Variants in PTPRT observed in about 807,000 individuals in gnomAD.
PTPRT encodes protein tyrosine phosphatase receptor type T, also known as receptor-type tyrosine-protein phosphatase T.
A neutral mutation model predicts 176.8 loss-of-function variants in PTPRT; 56 were observed. That is an observed-to-expected ratio of 0.32 (90% CI 0.26 to 0.40). PTPRT has a LOEUF of 0.40. Ranked by LOEUF, PTPRT falls within the 10% of genes least tolerant of loss-of-function variation. The pLI, the probability that PTPRT is intolerant of heterozygous loss-of-function variation, is 1.00. For synonymous variants in PTPRT, 783 were observed against 739.0 expected, an observed-to-expected ratio of 1.06 and a Z score of -0.96; for missense variants, 1,540 against 1,908.2, an observed-to-expected ratio of 0.81 and a Z score of 3.60.
At chr20:42,539,033 G>A (rs1417529777) in intron 7 of PTPRT, among the ~76,000 whole-genome samples, 1 of 152,086 alleles carries the variant, frequency 6.6e-6, no homozygotes, top group Non-Finnish European at 1.5e-5. Flanking sequence ...CACTAGCACT[G>A]TTGGACCACC....
chr20:42,477,466 A>G (rs569879561), intron 7 of PTPRT, among the ~76,000 whole-genome samples: 8 of 152,210 alleles, frequency 5.3e-5, no homozygotes, highest in African/African-American at 1.9e-4. Flanking sequence ...AGTGTGATGG[A>G]AGCATTCATG....
chr20:42,948,338 G>A (rs1475439194), intron 1 of PTPRT, among the ~76,000 whole-genome samples: 2 of 152,090 alleles, frequency 1.3e-5, no homozygotes, highest in South Asian at 2.1e-4. Flanking sequence ...AGGAACACCC[G>A]GTTCATCCTC....
intron 7 of PTPRT, among the ~76,000 whole-genome samples, chr20:42,540,670 A>C (rs965203544): frequency 2.0e-5 from 3 of 152,178 alleles, no homozygotes; most frequent in African/African-American, 7.2e-5. Context: ...AGTAATAAAA[A>C]CATAAAAATG....
intron 1 of PTPRT, among the ~76,000 whole-genome samples, chr20:43,146,708 G>A (rs2014181587): frequency 1.3e-5 from 2 of 152,086 alleles, no homozygotes; most frequent in South Asian, 2.1e-4. Context: ...ACTTGCATGG[G>A]CCCCTTTCAA....
intron 7 of PTPRT, among the ~76,000 whole-genome samples, chr20:42,494,818 T>C (rs6124467): frequency 1.1e-4 from 17 of 152,178 alleles, no homozygotes; most frequent in African/African-American, 3.9e-4. Flanking sequence ...GATGGATAGA[T>C]ACGTGAAATA....
chr20:42,802,676 G>A lies in PTPRT; in HGVS notation c.215-11210C>T, dbSNP rs529965866. Among the ~76,000 whole-genome samples, 33 of 152,206 alleles carry A rather than the reference G, an allele frequency of 2.2e-4. No individual in the cohort carries two copies. In the East Asian group the frequency reaches 6.2e-3, roughly 28 times the overall value. ...AAAGCTATTTCCTTTTTTGAAGTAA[G>A]AATGAGGGCAAAGAGAGGCCAGATA... On this transcript the variant is annotated intron_variant, in intron 2 of 30. Transcript: ENST00000373187.
chr20:42,469,164 C>G (rs1355355404), intron 8 of PTPRT, among the ~76,000 whole-genome samples: 1 of 151,910 alleles, frequency 6.6e-6, no homozygotes, highest in African/African-American at 2.4e-5. Flanking sequence ...ATATACCATG[C>G]CACTTAATGT....
At chr20:42,721,504 C>T (rs888487319) in intron 6 of PTPRT, among the ~76,000 whole-genome samples, 12 of 152,168 alleles carry the variant, frequency 7.9e-5, no homozygotes, top group Non-Finnish European at 1.3e-4. Flanking sequence ...GGGGAGGGAG[C>T]AGTCGGGCTG....
chr20:42,904,215 C>G (rs181854486), intron 1 of PTPRT, among the ~76,000 whole-genome samples: 1 of 152,288 alleles, frequency 6.6e-6, no homozygotes, highest in African/African-American at 2.4e-5. Context: ...AGGACCAATG[C>G]AGATGATCCT....
intron 2 of PTPRT, among the ~76,000 whole-genome samples, chr20:42,800,109 A>G (rs925273488): frequency 7.9e-5 from 12 of 152,218 alleles, no homozygotes; most frequent in African/African-American, 2.9e-4. Flanking sequence ...CATTTGTTTA[A>G]TTCTTATATC....
At chr20:43,144,099 C>T (rs7262310) in intron 1 of PTPRT, among the ~76,000 whole-genome samples, 5,068 of 152,262 alleles carry the variant, frequency 0.033, 140 homozygotes, top group South Asian at 0.074. Context: ...CTTCTCAATG[C>T]ACAGATATCC....
intron 13 of PTPRT, among the ~76,000 whole-genome samples, chr20:42,270,089 C>A (rs1461913587): frequency 1.3e-5 from 2 of 152,078 alleles, no homozygotes; most frequent in African/African-American, 4.8e-5. Flanking sequence ...TGGAAAGGCA[C>A]TGGAACATAT....
chr20:42,865,339 G>A (rs142986428), intron 2 of PTPRT, among the ~76,000 whole-genome samples: 79 of 152,314 alleles, frequency 5.2e-4, no homozygotes, highest in African/African-American at 1.8e-3. Context: ...TGAGCACCAT[G>A]CTCTGAACCA....
intron 2 of PTPRT, among the ~76,000 whole-genome samples, chr20:42,869,289 GGAGAGA>G (rs2078803992): frequency 6.6e-6 from 1 of 152,116 alleles, no homozygotes; most frequent in South Asian, 2.1e-4. Context: ...CACAAGCCTG[GGAGAGA>G]GACAGGCACC....
intron 19 of PTPRT, among the ~76,000 whole-genome samples, chr20:42,125,944 TGGAA>T (rs1299569902): frequency 6.9e-6 from 1 of 144,914 alleles, no homozygotes; most frequent in African/African-American, 2.6e-5. Flanking sequence ...CGAGGAGAAA[TGGAA>T]GGAATCAATT....
At chr20:43,019,796 G>A (rs1001772846) in intron 1 of PTPRT, among the ~76,000 whole-genome samples, 17 of 151,826 alleles carry the variant, frequency 1.1e-4, no homozygotes, top group Admixed American at 7.2e-4. Context: ...GAAGAGTGAC[G>A]TCTCTGGGTC....
At position 42,337,983 on chromosome 20, in the gene PTPRT, C is replaced by T. The variant is rs182499099; in HGVS notation, c.1865+12645G>A. Among the ~76,000 whole-genome samples the T allele has an allele frequency of 2.0e-5, 3 of 152,324 alleles. No individual in the cohort carries two copies. In the East Asian group the frequency reaches 5.8e-4, roughly 29 times the overall value. ...GGCTCTCCCAGCCTCCAGACCTGAA[C>T]AGAGCCTCCCGTGTCAGCTTCCTGA... On this transcript the variant is annotated intron_variant, in intron 11 of 30. Coordinates refer to ENST00000373187, the MANE Select transcript of PTPRT (RefSeq NM_007050.6).
chr20:42,798,413 T>C (rs1399298249), intron 2 of PTPRT, among the ~76,000 whole-genome samples: 3 of 152,210 alleles, frequency 2.0e-5, no homozygotes, highest in Non-Finnish European at 4.4e-5. Flanking sequence ...AAGCAGATAG[T>C]GCTACCAGTA....
At chr20:42,260,232 A>C (rs1319334901) in intron 13 of PTPRT, among the ~76,000 whole-genome samples, 1 of 152,144 alleles carries the variant, frequency 6.6e-6, no homozygotes, top group Non-Finnish European at 1.5e-5. Context: ...TCCTGTGACC[A>C]CTCAGTGGCC....
Sources: gnomAD v4.1 joint callset for allele counts (sites outside exome capture counted in the v4.1 genomes callset) on GRCh38, gnomAD v4.1.1 for gene constraint, MANE v1.5 for transcripts, NCBI Gene and HGNC (gene_info 2026-07-23, HGNC 2026-07-21) for gene names.